The following SHISA9 variants were observed in gnomAD, a reference collection of about 807,000 sequenced individuals.
The protein encoded by SHISA9 is protein shisa-9.
SHISA9 carries 13 observed loss-of-function variants against 38.0 expected under a neutral mutation model. That is an observed-to-expected ratio of 0.34 (90% CI 0.22 to 0.54). SHISA9 has a LOEUF of 0.54. SHISA9 is among the 20% of genes least tolerant of loss of function. The probability of loss-of-function intolerance (pLI) is 0.91; values close to 1 mark genes in which losing one functional copy is unlikely to be tolerated. For synonymous variants in SHISA9, 275 were observed against 242.0 expected (o/e 1.14, Z -1.27); for missense variants, 538 against 575.8 (o/e 0.93, Z 0.67).
chr16:13,311,408 T>C, the SHISA9 span, among the ~76,000 whole-genome samples: 9 of 152,124 alleles, frequency 5.9e-5, no homozygotes, highest in Admixed American at 5.9e-4. Context: ...ATTCAATATT[T>C]TTTTCTGCCA....
At chr16:13,093,176 C>T (rs763146232) in intron 2 of SHISA9, among the ~76,000 whole-genome samples, 18 of 152,124 alleles carry the variant, frequency 1.2e-4, no homozygotes, top group Non-Finnish European at 2.4e-4. Flanking sequence ...CAAGTGGCTG[C>T]ACCCCTCTTG....
chr16:12,963,920 C>T (rs1170593826), intron 2 of SHISA9, among the ~76,000 whole-genome samples: 1 of 152,214 alleles, frequency 6.6e-6, no homozygotes, highest in Non-Finnish European at 1.5e-5. Flanking sequence ...TTTATGTAAT[C>T]CCTTCCCTCT....
intron 4 of SHISA9, among the ~76,000 whole-genome samples, chr16:13,227,793 C>G (rs943151437): frequency 6.6e-6 from 1 of 152,108 alleles, no homozygotes; most frequent in African/African-American, 2.4e-5. Context: ...TTTGTGTGCC[C>G]TTTCATGGAG....
At chr16:12,986,213 C>A (rs11861243) in intron 2 of SHISA9, among the ~76,000 whole-genome samples, 2,314 of 152,252 alleles carry the variant, frequency 0.015, 56 homozygotes, top group African/African-American at 0.052. Context: ...ACAAGTATTT[C>A]CATAGTGGGT....
chr16:13,428,434 C>G, the SHISA9 span, among the ~76,000 whole-genome samples: 1 of 152,048 alleles, frequency 6.6e-6, no homozygotes. Context: ...TGACCAAGAG[C>G]TCAAAAAAAT....
chr16:13,157,648 G>C (rs1361466131), intron 2 of SHISA9, among the ~76,000 whole-genome samples: 1 of 152,048 alleles, frequency 6.6e-6, no homozygotes, highest in Non-Finnish European at 1.5e-5. Context: ...TGGGCAGCTA[G>C]TGGTGTTATC....
At chr16:13,331,652 T>G in the SHISA9 span, 1 of 152,194 alleles carries the variant, frequency 6.6e-6, no homozygotes, top group Non-Finnish European at 1.5e-5. Flanking sequence ...CCTCCTTGGC[T>G]TCAACATTTT....
intron 2 of SHISA9, among the ~76,000 whole-genome samples, chr16:13,086,806 A>T (rs1336263821): frequency 1.3e-5 from 2 of 151,988 alleles, no homozygotes; most frequent in African/African-American, 4.8e-5. Context: ...TCTAAGAACC[A>T]GACTTTTATT....
intron 1 of SHISA9, among the ~76,000 whole-genome samples, chr16:12,906,347 G>T (rs958674412): frequency 2.6e-5 from 4 of 152,188 alleles, no homozygotes; most frequent in Non-Finnish European, 5.9e-5. Flanking sequence ...GGGTTTTGCT[G>T]CAGAGGCCTC....
chr16:13,488,534 T>G, the SHISA9 span, among the ~76,000 whole-genome samples: 1 of 152,210 alleles, frequency 6.6e-6, no homozygotes, highest in East Asian at 1.9e-4. Context: ...TGTTTCTATG[T>G]TTGGATATGT....
chr16:13,173,528 A>G (rs2050706193), intron 2 of SHISA9, among the ~76,000 whole-genome samples: 1 of 152,090 alleles, frequency 6.6e-6, no homozygotes, highest in Non-Finnish European at 1.5e-5. Flanking sequence ...CTAACAATCT[A>G]GATCAGCAGT....
At chr16:13,539,329 CTT>C in the SHISA9 span, among the ~76,000 whole-genome samples, 1 of 36,368 alleles carries the variant, frequency 2.7e-5, no homozygotes. Context: ...AAGACAGGAT[CTT>C]TATATATATA....
At chr16:13,373,020 T>A in the SHISA9 span, among the ~76,000 whole-genome samples, 1 of 152,176 alleles carries the variant, frequency 6.6e-6, no homozygotes, top group Admixed American at 6.5e-5. Context: ...GAACCAATTC[T>A]TGCCCCCCTT....
rs538849042 is a variant in SHISA9 at position 12,936,565 on chromosome 16, A to G, written c.691+19750A>G. ...GAGCATATGCTCAAAGTGAGATGGGAGACATGAGTCTGCTTTTGCTTCAGA... is the reference window on the plus strand; with the variant it reads ...GAGCATATGCTCAAAGTGAGATGGGGGACATGAGTCTGCTTTTGCTTCAGA... On this transcript the variant is annotated intron_variant, in intron 2 of 4. Transcript: ENST00000558583. 2.6e-5 allele frequency among the ~76,000 whole-genome samples: 4 copies of G among 152,346 alleles called. No homozygotes were observed. The South Asian group carries it at 8.3e-4, about 32-fold the overall frequency.
At chr16:13,063,543 A>T (rs144344176) in intron 2 of SHISA9, among the ~76,000 whole-genome samples, 1 of 152,146 alleles carries the variant, frequency 6.6e-6, no homozygotes, top group Non-Finnish European at 1.5e-5. Context: ...TGGGGCGTCA[A>T]TGAAATAATG....
At chr16:13,025,688 G>A (rs181223456) in intron 2 of SHISA9, among the ~76,000 whole-genome samples, 3 of 152,282 alleles carry the variant, frequency 2.0e-5, no homozygotes, top group Admixed American at 6.5e-5. Context: ...TCTCATAGAC[G>A]TAGGTCACAT....
At chr16:12,917,090 T>G (rs563121960) in intron 2 of SHISA9, among the ~76,000 whole-genome samples, 94 of 152,350 alleles carry the variant, frequency 6.2e-4, no homozygotes, top group African/African-American at 2.1e-3. Context: ...ATTGATTTAT[T>G]AACTAGATTA....
At chr16:13,040,564 C>T (rs2073121931) in intron 2 of SHISA9, among the ~76,000 whole-genome samples, 1 of 152,144 alleles carries the variant, frequency 6.6e-6, no homozygotes, top group South Asian at 2.1e-4. Context: ...TGCATGTTTT[C>T]ATGTTTATGG....
chr16:13,500,454 C>T, the SHISA9 span, among the ~76,000 whole-genome samples: 2 of 152,064 alleles, frequency 1.3e-5, no homozygotes, highest in African/African-American at 4.8e-5. Context: ...GAAGAACCAG[C>T]GTAAAGTTTC....
Sources: allele counts gnomAD v4.1 joint callset (sites outside exome capture counted in the v4.1 genomes callset), GRCh38; gene constraint gnomAD v4.1.1; transcripts MANE v1.5; gene names NCBI Gene and HGNC (gene_info 2026-07-23, HGNC 2026-07-21).